Variants in PLCE1 observed in about 807,000 individuals in gnomAD.
The protein encoded by PLCE1 is 1-phosphatidylinositol 4,5-bisphosphate phosphodiesterase epsilon-1.
Under a neutral mutation model 242.8 loss-of-function variants are expected in PLCE1, and 119 were observed. That is an observed-to-expected ratio of 0.49 (90% CI 0.42 to 0.57). The LOEUF is 0.57. Among genes scored for constraint, PLCE1 ranks in the 20% least tolerant of loss-of-function variants. The probability of loss-of-function intolerance (pLI) is 0.00; values close to 1 mark genes in which losing one functional copy is unlikely to be tolerated. For synonymous variants in PLCE1, 945 were observed against 1,017.4 expected (o/e 0.93, Z 1.35); for missense variants, 2,441 against 2,788.8 (o/e 0.88, Z 2.81).
At chr10:94,055,991 A>G (rs1402721102) in intron 2 of PLCE1, among the ~76,000 whole-genome samples, 1 of 152,198 alleles carries the variant, frequency 6.6e-6, no homozygotes, top group Non-Finnish European at 1.5e-5. Flanking sequence ...GAATGGTCAA[A>G]GGACCTTTGA....
At chr10:94,220,901 C>T (rs1056357585) in intron 4 of PLCE1, among the ~76,000 whole-genome samples, 7 of 152,184 alleles carry the variant, frequency 4.6e-5, no homozygotes, top group Non-Finnish European at 8.8e-5. Context: ...GTCTACCTAC[C>T]TCCAGCGCCG....
At chr10:94,240,642 G>A (rs562192971) in intron 7 of PLCE1, among the ~76,000 whole-genome samples, 9 of 152,116 alleles carry the variant, frequency 5.9e-5, no homozygotes, top group African/African-American at 1.9e-4. Context: ...GGAAGCAAAC[G>A]AACACTTACA....
intron 2 of PLCE1, among the ~76,000 whole-genome samples, chr10:94,110,058 CTTTTTTTTTTTTTTTT>C (rs33974566): frequency 2.6e-5 from 2 of 75,886 alleles, no homozygotes; most frequent in Non-Finnish European, 4.5e-5. Context: ...TTTCTTTTTT[CTTTTTTTTTTTTTTTT>C]TTTTTTGAGA....
intron 3 of PLCE1, among the ~76,000 whole-genome samples, chr10:94,144,337 G>A (rs1006618770): frequency 4.6e-5 from 7 of 152,076 alleles, no homozygotes; most frequent in African/African-American, 1.7e-4. Context: ...GTGCATACAT[G>A]GAGTATAACA....
At chr10:94,004,859 A>G (rs1223585) in intron 1 of PLCE1, among the ~76,000 whole-genome samples, 77,192 of 151,994 alleles carry the variant, frequency 0.51, 20,122 homozygotes, top group East Asian at 0.73. Context: ...TGGGGACCTG[A>G]CACTTTCTGT....
chr10:94,301,450 A>G (rs923880971), intron 24 of PLCE1, among the ~76,000 whole-genome samples: 7 of 152,350 alleles, frequency 4.6e-5, no homozygotes, highest in Non-Finnish European at 7.3e-5. Context: ...AAGAATTTCC[A>G]GGCTGGAAAG....
At position 94,031,020 on chromosome 10, in the gene PLCE1, T is replaced by G. The variant is rs1238399573; in HGVS notation, c.-27T>G. 3.1e-6 allele frequency: 5 copies of G among 1,612,346 alleles called. No individual in the cohort carries two copies. In the Admixed American group the frequency reaches 8.3e-5, roughly 27 times the overall value. On this transcript the variant is annotated 5_prime_UTR_variant, in exon 2 of 33. Transcript: ENST00000371380. Reference sequence around the variant, plus strand: ...TCACCAGGGAGGAAAAATAGAGCAATAGTCAAAACCTGTGTGTTAGTCCAA... The same window carrying G: ...TCACCAGGGAGGAAAAATAGAGCAAGAGTCAAAACCTGTGTGTTAGTCCAA...
chr10:94,171,557 A>G lies in PLCE1; in HGVS notation c.1809+61A>G, dbSNP rs1170926804. 23 of 1,292,814 alleles carry G rather than the reference A, an allele frequency of 1.8e-5. No individual in the cohort carries two copies. The East Asian group carries it at 5.3e-4, about 30-fold the overall frequency. 80.1% of individuals were successfully genotyped at this position (1,292,814 alleles called of 1,614,324 possible). Reference sequence around the variant, plus strand: ...TCACCCGTAAGTGATTTTCAAGCATACCTCCCCTTCTAGGTTTGTCTGTTC... The same window carrying G: ...TCACCCGTAAGTGATTTTCAAGCATGCCTCCCCTTCTAGGTTTGTCTGTTC... On this transcript the variant is annotated intron_variant, in intron 4 of 32. Transcript: ENST00000371380.
intron 4 of PLCE1, among the ~76,000 whole-genome samples, chr10:94,225,566 G>T (rs1043384198): frequency 3.3e-5 from 5 of 152,140 alleles, no homozygotes; most frequent in African/African-American, 1.2e-4. Flanking sequence ...AGTTACTCGA[G>T]GTTGCAGTGA....
intron 4 of PLCE1, among the ~76,000 whole-genome samples, chr10:94,186,225 C>T (rs1480276546): frequency 6.6e-6 from 1 of 152,192 alleles, no homozygotes; most frequent in African/African-American, 2.4e-5. Flanking sequence ...TCTCTTCCTT[C>T]TCTCAATTGG....
chr10:94,255,985 CT>C (rs1163689337), intron 11 of PLCE1, among the ~76,000 whole-genome samples: 3 of 150,478 alleles, frequency 2.0e-5, no homozygotes, highest in African/African-American at 7.3e-5. Flanking sequence ...CCCCACGCCC[CT>C]CTCTCTCTTT....
chr10:94,150,997 G>A (rs765149945), intron 3 of PLCE1, among the ~76,000 whole-genome samples: 1 of 152,160 alleles, frequency 6.6e-6, no homozygotes. Flanking sequence ...CACCTCCTTC[G>A]TCTGTACTGC....
chr10:94,068,083 C>T (rs564425297), intron 2 of PLCE1, among the ~76,000 whole-genome samples: 8 of 152,306 alleles, frequency 5.3e-5, no homozygotes, highest in African/African-American at 1.9e-4. Flanking sequence ...AAGTGGGGCT[C>T]TGCCAGTCCC....
chr10:94,000,074 T>C (rs1398521607), intron 1 of PLCE1, among the ~76,000 whole-genome samples: 3 of 152,310 alleles, frequency 2.0e-5, no homozygotes, highest in African/African-American at 7.2e-5. Flanking sequence ...TGCTGAGGAA[T>C]GAAGATCTCT....
intron 3 of PLCE1, among the ~76,000 whole-genome samples, chr10:94,151,258 A>G (rs2047265588): frequency 1.3e-5 from 2 of 152,200 alleles, no homozygotes; most frequent in African/African-American, 4.8e-5. Context: ...TGGGTTCCAT[A>G]AGGACTCCCC....
At chr10:94,053,457 C>G (rs2043818012) in intron 2 of PLCE1, among the ~76,000 whole-genome samples, 2 of 152,216 alleles carry the variant, frequency 1.3e-5, no homozygotes, top group Non-Finnish European at 2.9e-5. Context: ...TATTTGTTAG[C>G]ACGCATGACA....
At chr10:94,198,609 C>T (rs2048897687) in intron 4 of PLCE1, among the ~76,000 whole-genome samples, 1 of 152,238 alleles carries the variant, frequency 6.6e-6, no homozygotes, top group Non-Finnish European at 1.5e-5. Flanking sequence ...CTTTTGCCTC[C>T]TTTGTAGTCA....
chr10:94,070,766 G>T (rs1482902091), intron 2 of PLCE1, among the ~76,000 whole-genome samples: 2 of 152,158 alleles, frequency 1.3e-5, no homozygotes, highest in Non-Finnish European at 2.9e-5. Context: ...CAGAAGATCT[G>T]GGTTCATTGT....
At chr10:94,029,098 T>G (rs563615283) in intron 1 of PLCE1, among the ~76,000 whole-genome samples, 1 of 152,048 alleles carries the variant, frequency 6.6e-6, no homozygotes, top group East Asian at 1.9e-4. Flanking sequence ...GTCTCAAAAT[T>G]ATGATGATGA....
Sources: gnomAD v4.1 joint callset for allele counts (sites outside exome capture counted in the v4.1 genomes callset) on GRCh38, gnomAD v4.1.1 for gene constraint, MANE v1.5 for transcripts, NCBI Gene and HGNC (gene_info 2026-07-23, HGNC 2026-07-21) for gene names.